Variants in DNAH12 observed in about 807,000 individuals in gnomAD.
The protein encoded by DNAH12 is dynein axonemal heavy chain 12.
In DNAH12, 285 loss-of-function variants were observed where a neutral mutation model predicts 371.5. That is an observed-to-expected ratio of 0.77 (90% CI 0.70 to 0.85). The LOEUF (loss-of-function observed/expected upper bound fraction) is 0.85, where lower values mean the gene tolerates loss of function less well. Among genes scored for constraint, DNAH12 ranks in the 40% least tolerant of loss-of-function variants. DNAH12 has a pLI of 0.00. For missense variants in DNAH12, 3,611 were observed against 3,689.4 expected, an observed-to-expected ratio of 0.98 and a Z score of 0.55; for synonymous variants, 1,200 against 1,213.0, an observed-to-expected ratio of 0.99 and a Z score of 0.22.
the DNAH12 span, among the ~76,000 whole-genome samples, chr3:57,555,014 G>C: frequency 6.6e-6 from 1 of 152,152 alleles, no homozygotes; most frequent in Non-Finnish European, 1.5e-5. Context: ...GGGAGGGTAA[G>C]GCGGGGGGCT....
At chr3:57,371,636 A>G (rs1013855458) in intron 55 of DNAH12, among the ~76,000 whole-genome samples, 2 of 149,760 alleles carry the variant, frequency 1.3e-5, no homozygotes, top group East Asian at 2.0e-4. Flanking sequence ...ACTCCAGCCT[A>G]GGTGACAAAC....
chr3:57,411,998 T>C (rs972281732), intron 39 of DNAH12, among the ~76,000 whole-genome samples: 1 of 152,170 alleles, frequency 6.6e-6, no homozygotes, highest in Non-Finnish European at 1.5e-5. Context: ...TGGAACAGAA[T>C]AGAGAGCCCA....
intron 13 of DNAH12, among the ~76,000 whole-genome samples, chr3:57,479,143 T>G (rs1410703452): frequency 1.2e-5 from 1 of 81,964 alleles, no homozygotes; most frequent in Non-Finnish European, 2.8e-5. Flanking sequence ...TTGGATAGAG[T>G]CAAGACCCAT....
intron 17 of DNAH12, among the ~76,000 whole-genome samples, chr3:57,465,492 C>T (rs1161440275): frequency 6.6e-6 from 1 of 152,086 alleles, no homozygotes; most frequent in East Asian, 1.9e-4. Context: ...CCTTCCTGAA[C>T]ATAACCTCAA....
At chr3:57,395,950 TCTCA>T (rs2063727990) in intron 43 of DNAH12, among the ~76,000 whole-genome samples, 1 of 151,154 alleles carries the variant, frequency 6.6e-6, no homozygotes, top group South Asian at 2.1e-4. Flanking sequence ...GAGTGAGACA[TCTCA>T]CTCTGTCTTA....
chr3:57,506,003 C>T (rs1056908570), intron 8 of DNAH12, among the ~76,000 whole-genome samples: 1 of 152,168 alleles, frequency 6.6e-6, no homozygotes, highest in African/African-American at 2.4e-5. Context: ...ACCTCAGCCA[C>T]CCAAAGTGCT....
intron 53 of DNAH12, among the ~76,000 whole-genome samples, chr3:57,376,210 C>T (rs1395986229): frequency 4.0e-5 from 6 of 150,714 alleles, no homozygotes; most frequent in Admixed American, 2.0e-4. Flanking sequence ...GGACTTGGCC[C>T]TTCAGAAAAA....
At position 57,376,433 on chromosome 3, in the gene DNAH12, AT is replaced by A. The variant is rs2063283237; in HGVS notation, c.8466-469del. Among the ~76,000 whole-genome samples the A allele has an allele frequency of 7.2e-5, 11 of 152,302 alleles. No homozygotes were observed. In the South Asian group the frequency reaches 2.3e-3, roughly 32 times the overall value. On this transcript the variant is annotated intron_variant, in intron 53 of 73. Transcript: ENST00000495027. ...TTTCCCATTTAATGAAACCCATACA[AT>A]AAAAAAGTGTATTCCAAAACTATCT...
chr3:57,474,931 G>A (rs146177633), intron 13 of DNAH12, among the ~76,000 whole-genome samples: 2,113 of 151,030 alleles, frequency 0.014, 34 homozygotes, highest in African/African-American at 0.047. Flanking sequence ...AGCTGGGATC[G>A]CGCCATTGCA....
intron 11 of DNAH12, among the ~76,000 whole-genome samples, chr3:57,494,864 C>G (rs868418938): frequency 1.2e-3 from 176 of 152,008 alleles, no homozygotes; most frequent in African/African-American, 4.0e-3. Flanking sequence ...CAAAAGTTAT[C>G]CCACCATAGT....
In DNAH12 at chr3:57,334,789, C is replaced by T. The variant is rs1298425023; in HGVS notation, c.9826G>A (p.Gly3276Arg). ...TCGAATTTAAACAATCACCTGAGTC[C>T]TCTGAAGGCAGGAAATTCACTTGCC... The part of the protein sequence containing the change: ...CRASEFPAFR[G>R]LRQHFCEHIY... The change falls in exon 61 of 74, where the codon GGA (glycine) becomes AGA (arginine). Residue 3276 changes from glycine (G) to arginine (R), a missense_variant. Gly to Arg is a moderately radical substitution (Grantham distance 125, BLOSUM62 -2). Around this residue, in one of 3 missense-constraint regions of DNAH12, gnomAD observed 2,266 missense variants for 2,236.9 expected, o/e 1.01. Transcript: ENST00000495027. The T allele has an allele frequency of 1.3e-6, 2 of 1,550,642 alleles. No homozygotes were observed. Among genetic ancestry groups the T allele is most frequent in the Middle Eastern group, 1.7e-4 (1 of 6,014 alleles).
chr3:57,365,853 G>A (rs2063039409), intron 57 of DNAH12, among the ~76,000 whole-genome samples: 2 of 89,566 alleles, frequency 2.2e-5, no homozygotes, highest in Non-Finnish European at 4.6e-5. Flanking sequence ...TATCTTGTGT[G>A]TGTGTACACA....
At chr3:57,457,597 G>C (rs935525695) in intron 22 of DNAH12, 124 bp downstream of exon 22, 6 of 1,071,472 alleles carry the variant, frequency 5.6e-6, no homozygotes, top group Non-Finnish European at 7.7e-6. Context: ...TAGAAACAAA[G>C]AAGTAAAGAA....
intron 43 of DNAH12, among the ~76,000 whole-genome samples, chr3:57,401,058 GA>G (rs1330060553): frequency 3.3e-5 from 5 of 151,928 alleles, no homozygotes; most frequent in Non-Finnish European, 7.4e-5. Context: ...ATGCCAGAAG[GA>G]AAAATTTAAA....
rs1424382198 is a variant in DNAH12, at chr3:57,508,551, A to G, written c.543-11T>C. 1 of 1,603,868 alleles carries G rather than the reference A, an allele frequency of 6.2e-7. No individual in the cohort carries two copies. The highest frequency in any genetic ancestry group is 8.5e-7 in the Non-Finnish European group (1 of 1,177,788). On this transcript the variant is annotated splice_polypyrimidine_tract_variant and intron_variant, in intron 6 of 73. Coordinates refer to ENST00000495027, the MANE Select transcript of DNAH12 (RefSeq NM_001366028.2). ...GAATAATCTAGGCCTCTGGAAAAGC[A>G]AAACACCATATCAAACATGATGAAA...
intron 12 of DNAH12, among the ~76,000 whole-genome samples, chr3:57,485,518 C>G (rs571682495): frequency 1.1e-4 from 16 of 152,092 alleles, no homozygotes; most frequent in African/African-American, 3.9e-4. Flanking sequence ...TCTCCTGCCT[C>G]AGCCTCCCGA....
At chr3:57,499,011 A>AG (rs2067416065) in intron 11 of DNAH12, among the ~76,000 whole-genome samples, 1 of 116,406 alleles carries the variant, frequency 8.6e-6, no homozygotes, top group African/African-American at 3.1e-5. Flanking sequence ...AAACAAAAAC[A>AG]AAAACACACA....
chr3:57,415,789 CTT>C lies in DNAH12; in HGVS notation c.5715-227_5715-226del, dbSNP rs11326189. ...ATTTTGTGTCTTTTTATTTTTTATT[CTT>C]TTTTTTTTTTTTTTTGAGACAGAGT... On this transcript the variant is annotated intron_variant, in intron 37 of 73. Transcript: ENST00000495027. Among the ~76,000 whole-genome samples the C allele has an allele frequency of 1.0e-2, 1,190 of 119,362 alleles. 11 individuals carry two copies. Among genetic ancestry groups the C allele is most frequent in the African/African-American group, 0.035 (1,025 of 29,144 alleles). The allele number at this position is 119,362 out of a possible 152,430, so 78.3% of individuals were successfully genotyped here.
chr3:57,359,065 T>C (rs958289277), intron 58 of DNAH12, among the ~76,000 whole-genome samples: 1 of 152,122 alleles, frequency 6.6e-6, no homozygotes, highest in African/African-American at 2.4e-5. Flanking sequence ...ATTACAGGCA[T>C]GAGCCACTGC....
Sources: gnomAD v4.1 joint callset for allele counts (sites outside exome capture counted in the v4.1 genomes callset) on GRCh38, gnomAD v4.1.1 for gene constraint, gnomAD v4.1.1 regional missense constraint, MANE v1.5 for transcripts, NCBI Gene and HGNC (gene_info 2026-07-23, HGNC 2026-07-21) for gene names.